The following BMP5 variants were observed in gnomAD, a reference collection of about 807,000 sequenced individuals.
BMP5 encodes the protein bone morphogenetic protein 5.
In BMP5, 23 loss-of-function variants were observed where a neutral mutation model predicts 46.6. The observed-to-expected ratio is 0.49, with a 90% CI of 0.35 to 0.70. The LOEUF is 0.70. Among genes scored for constraint, BMP5 ranks in the 30% least tolerant of loss-of-function variants. The probability of loss-of-function intolerance (pLI) is 0.00; values close to 1 mark genes in which losing one functional copy is unlikely to be tolerated. For synonymous variants in BMP5, 204 were observed against 191.9 expected (o/e 1.06, Z -0.52); for missense variants, 545 against 565.6 (o/e 0.96, Z 0.37).
At chr6:55,828,959 T>C (rs921873675) in intron 1 of BMP5, among the ~76,000 whole-genome samples, 1 of 151,806 alleles carries the variant, frequency 6.6e-6, no homozygotes, top group Non-Finnish European at 1.5e-5. Context: ...ATGGGTTGCA[T>C]CAGTGAAGTT....
In BMP5 at chr6:55,859,135, T is replaced by A. The variant is rs566625945; in HGVS notation, c.490+15241A>T. 2.0e-3 allele frequency among the ~76,000 whole-genome samples: 308 copies of A among 151,564 alleles called. 1 individual carries two copies. The highest frequency in any genetic ancestry group is 6.0e-3 in the African/African-American group (249 of 41,326). On this transcript the variant is annotated intron_variant, in intron 1 of 6. Transcript: ENST00000370830. ...TATCCCACAACTTAAAGTAAAATTT[T>A]AAAAAAAAAGTTTAAAAAGGTATAG...
At chr6:55,874,310 C>A in intron 1 of BMP5, 66 bp downstream of exon 1, 1 of 1,602,696 alleles carries the variant, frequency 6.2e-7, no homozygotes, top group South Asian at 1.1e-5. Context: ...CCAAGCAGCT[C>A]CTTTACCATT....
chr6:55,822,045 A>G (rs1410901546), intron 1 of BMP5, among the ~76,000 whole-genome samples: 1 of 152,180 alleles, frequency 6.6e-6, no homozygotes, highest in Non-Finnish European at 1.5e-5. Context: ...ATTCTGCCTC[A>G]TAACAGCCTA....
intron 1 of BMP5, among the ~76,000 whole-genome samples, chr6:55,828,598 T>TA (rs1407115058): frequency 6.6e-6 from 1 of 151,842 alleles, no homozygotes; most frequent in Non-Finnish European, 1.5e-5. Flanking sequence ...AGTTTGTTTT[T>TA]AAAAAATCAC....
rs1777872158 is a variant in BMP5, at chr6:55,874,831, A to G, written c.35T>C (p.Val12Ala). The change falls in exon 1 of 7, where the codon GTG becomes GCG. Residue 12 changes from valine to alanine, a missense_variant. Coordinates refer to ENST00000370830, the MANE Select transcript of BMP5 (RefSeq NM_021073.4). ...HLTVFLLKGI[V>A]GFLWSCWVLV... ...AACCCAGCAGCTCCAGAGGAAACCC[A>G]CAATACCCTTAAGTAAAAATACAGT... The G allele has an allele frequency of 2.5e-6, 4 of 1,613,190 alleles. No homozygotes were observed. The highest frequency in any genetic ancestry group is 3.4e-6 in the Non-Finnish European group (4 of 1,179,586).
chr6:55,869,391 T>C (rs1777727075), intron 1 of BMP5, among the ~76,000 whole-genome samples: 1 of 152,124 alleles, frequency 6.6e-6, no homozygotes, highest in Non-Finnish European at 1.5e-5. Flanking sequence ...TTCAAAAATA[T>C]TTTCTTTCTT....
intron 2 of BMP5, among the ~76,000 whole-genome samples, chr6:55,801,261 T>C (rs139182224): frequency 4.0e-4 from 61 of 152,332 alleles, no homozygotes; most frequent in African/African-American, 1.3e-3. Flanking sequence ...TCAAGTGTTA[T>C]TGCAACTTAG....
intron 3 of BMP5, among the ~76,000 whole-genome samples, chr6:55,781,721 C>T (rs1385283732): frequency 1.3e-5 from 2 of 151,878 alleles, no homozygotes; most frequent in Non-Finnish European, 1.5e-5. Flanking sequence ...GATTCTCCTC[C>T]TTCAGACTCC....
At chr6:55,759,654 A>G (rs778455870) in intron 5 of BMP5, among the ~76,000 whole-genome samples, 1 of 151,888 alleles carries the variant, frequency 6.6e-6, no homozygotes, top group Non-Finnish European at 1.5e-5. Context: ...CCATTCATGC[A>G]TTAACTTTAT....
At chr6:55,840,755 T>C (rs1476372641) in intron 1 of BMP5, among the ~76,000 whole-genome samples, 1 of 152,226 alleles carries the variant, frequency 6.6e-6, no homozygotes, top group Non-Finnish European at 1.5e-5. Flanking sequence ...GATTTACTAC[T>C]CCATGTAATG....
chr6:55,767,013 T>C (rs568074130), intron 4 of BMP5, among the ~76,000 whole-genome samples: 15 of 152,064 alleles, frequency 9.9e-5, no homozygotes, highest in South Asian at 8.3e-4. Context: ...ATAATGGGAG[T>C]TTATTTGATA....
chr6:55,786,544 G>A (rs1775455152), intron 3 of BMP5, among the ~76,000 whole-genome samples: 2 of 151,556 alleles, frequency 1.3e-5, no homozygotes, highest in South Asian at 2.1e-4. Flanking sequence ...GTGGACTGTA[G>A]AGAAAAAGTT....
At chr6:55,805,567 C>T (rs1408223730) in intron 2 of BMP5, among the ~76,000 whole-genome samples, 2 of 151,846 alleles carry the variant, frequency 1.3e-5, no homozygotes, top group Non-Finnish European at 2.9e-5. Context: ...TTTATATTCC[C>T]TTGGGTATAT....
intron 3 of BMP5, among the ~76,000 whole-genome samples, chr6:55,793,839 A>G (rs1009759841): frequency 7.2e-5 from 11 of 152,050 alleles, no homozygotes; most frequent in African/African-American, 2.4e-4. Flanking sequence ...TTTGATACAT[A>G]TTTATCATTG....
chr6:55,841,986 T>A (rs1464881675), intron 1 of BMP5, among the ~76,000 whole-genome samples: 1 of 152,020 alleles, frequency 6.6e-6, no homozygotes, highest in Non-Finnish European at 1.5e-5. Context: ...CAAATCCTTG[T>A]CTGCTAATTC....
At chr6:55,855,974 A>C (rs187175916) in intron 1 of BMP5, among the ~76,000 whole-genome samples, 37 of 152,326 alleles carry the variant, frequency 2.4e-4, no homozygotes, top group African/African-American at 7.7e-4. Context: ...CAAATGCAGA[A>C]TCGGTGATCA....
chr6:55,869,850 C>T (rs1317873625), intron 1 of BMP5, among the ~76,000 whole-genome samples: 1 of 152,058 alleles, frequency 6.6e-6, no homozygotes, highest in Non-Finnish European at 1.5e-5. Context: ...TCCTTCTCAA[C>T]TGGAGAGAAA....
intron 2 of BMP5, among the ~76,000 whole-genome samples, chr6:55,816,470 CATATT>C (rs775551766): frequency 6.6e-5 from 10 of 152,108 alleles, no homozygotes; most frequent in Middle Eastern, 3.4e-3. Flanking sequence ...ATAAAAATAA[CATATT>C]ATAGTATTCA....
Position 55,860,547 on chromosome 6 carries a change from T to C in BMP5, c.490+13829A>G, listed in dbSNP as rs59664162. Among the ~76,000 whole-genome samples, 467 of 152,218 alleles carry C rather than the reference T, an allele frequency of 3.1e-3. 3 individuals carry two copies. The highest frequency in any genetic ancestry group is 0.011 in the African/African-American group (458 of 41,540). On this transcript the variant is annotated intron_variant, in intron 1 of 6. Coordinates refer to ENST00000370830, the MANE Select transcript of BMP5 (RefSeq NM_021073.4). ...ATCCTTCACACTTCTAGCATTACAA[T>C]TGGGCTATTGGTAGATTGGGTACGA...
Sources: allele counts gnomAD v4.1 joint callset (sites outside exome capture counted in the v4.1 genomes callset), GRCh38; gene constraint gnomAD v4.1.1; transcripts MANE v1.5; gene names NCBI Gene and HGNC (gene_info 2026-07-23, HGNC 2026-07-21).